Variants in NCALD observed in about 807,000 individuals in gnomAD.
NCALD encodes the protein neurocalcin-delta.
Under a neutral mutation model 18.6 loss-of-function variants are expected in NCALD, and 10 were observed. The ratio of observed to expected loss-of-function variants is 0.54; its 90% CI spans 0.33 to 0.91. The LOEUF is 0.91. NCALD is among the 40% of genes least tolerant of loss of function. The pLI is 0.03. For synonymous variants in NCALD, 88 were observed against 87.4 expected (o/e 1.01, Z -0.04); for missense variants, 184 against 247.6 (o/e 0.74, Z 1.72).
chr8:101,811,397 C>T (rs1211516366), intron 4 of NCALD, among the ~76,000 whole-genome samples: 1 of 152,114 alleles, frequency 6.6e-6, no homozygotes, highest in East Asian at 1.9e-4. Flanking sequence ...GAAGTTGATC[C>T]TCTCCTAGAG....
intron 4 of NCALD, among the ~76,000 whole-genome samples, chr8:101,818,254 A>G (rs988195637): frequency 6.6e-6 from 1 of 152,176 alleles, no homozygotes; most frequent in African/African-American, 2.4e-5. Context: ...AAAAAAATAA[A>G]CACTGTTACA....
At chr8:101,804,744 T>G (rs1813036311) in intron 4 of NCALD, among the ~76,000 whole-genome samples, 1 of 148,794 alleles carries the variant, frequency 6.7e-6, no homozygotes, top group African/African-American at 2.5e-5. Flanking sequence ...AAAAACATAA[T>G]GCCATTTCAC....
intron 2 of NCALD, among the ~76,000 whole-genome samples, chr8:101,705,143 C>T (rs1348065951): frequency 6.6e-6 from 1 of 151,684 alleles, no homozygotes; most frequent in Non-Finnish European, 1.5e-5. Flanking sequence ...AGGAGAATCG[C>T]TGAAACTCAG....
chr8:101,735,381 C>A (rs1422458895), intron 1 of NCALD, among the ~76,000 whole-genome samples: 1 of 152,124 alleles, frequency 6.6e-6, no homozygotes, highest in African/African-American at 2.4e-5. Context: ...CCAACAGCAT[C>A]CTCGGGACAA....
At chr8:101,914,862 T>C (rs1817922795) in intron 3 of NCALD, among the ~76,000 whole-genome samples, 3 of 152,224 alleles carry the variant, frequency 2.0e-5, no homozygotes, top group Admixed American at 2.0e-4. Context: ...CAAGGAACCC[T>C]GGTTCATTTC....
intron 1 of NCALD, among the ~76,000 whole-genome samples, chr8:102,075,621 C>T (rs77489770): frequency 0.061 from 9,237 of 152,166 alleles, 411 homozygotes; most frequent in Non-Finnish European, 0.092. Flanking sequence ...TAATAATAAA[C>T]TTAAGAGACA....
chr8:102,029,392 T>C (rs189871159), intron 1 of NCALD, among the ~76,000 whole-genome samples: 17 of 152,258 alleles, frequency 1.1e-4, no homozygotes, highest in African/African-American at 3.9e-4. Flanking sequence ...AGCCAGAGAA[T>C]CAGATCTTTT....
At chr8:101,926,543 G>A (rs191611028) in intron 2 of NCALD, among the ~76,000 whole-genome samples, 18 of 152,214 alleles carry the variant, frequency 1.2e-4, no homozygotes, top group Admixed American at 2.0e-4. Context: ...GACTATTTCC[G>A]TTTTAAATAA....
At chr8:102,028,221 A>C (rs548298220) in intron 1 of NCALD, among the ~76,000 whole-genome samples, 1 of 152,354 alleles carries the variant, frequency 6.6e-6, no homozygotes, top group South Asian at 2.1e-4. Context: ...ATGAACAGTT[A>C]TGCATACATC....
At chr8:101,975,381 C>T (rs534152293) in intron 2 of NCALD, 1 of 152,306 alleles carries the variant, frequency 6.6e-6, no homozygotes, top group African/African-American at 2.4e-5. Context: ...GCCCCACCCC[C>T]GGAGATGCTG....
chr8:102,069,667 T>C (rs1824118092), intron 1 of NCALD, among the ~76,000 whole-genome samples: 1 of 152,220 alleles, frequency 6.6e-6, no homozygotes, highest in Admixed American at 6.5e-5. Flanking sequence ...TGGGCATGTG[T>C]GTGCACACAC....
chr8:102,024,688 A>G (rs901896955), intron 1 of NCALD, among the ~76,000 whole-genome samples: 3 of 152,060 alleles, frequency 2.0e-5, no homozygotes, highest in African/African-American at 7.2e-5. Flanking sequence ...CCCCATTTCC[A>G]TTGCCTTAAT....
rs551931649 is a variant in NCALD, at chr8:101,755,624, C to T, written c.-20+35238G>A. Among the ~76,000 whole-genome samples the T allele has an allele frequency of 1.5e-4, 23 of 152,300 alleles. 1 individual carries two copies. Among genetic ancestry groups the T allele is most frequent in the Admixed American group, 1.0e-3 (16 of 15,300 alleles). ...GCTTTTCCAGCCCGCATCTCACATCCTAAGGCTTGCAGGCAGAAACCAGGG... is the reference window on the plus strand; with the variant it reads ...GCTTTTCCAGCCCGCATCTCACATCTTAAGGCTTGCAGGCAGAAACCAGGG... On this transcript the variant is annotated intron_variant, in intron 1 of 3. Coordinates refer to ENST00000220931, the MANE Select transcript of NCALD (RefSeq NM_032041.3).
intron 2 of NCALD, among the ~76,000 whole-genome samples, chr8:101,959,609 A>G (rs1819762571): frequency 6.6e-6 from 1 of 152,136 alleles, no homozygotes; most frequent in Non-Finnish European, 1.5e-5. Flanking sequence ...AGATTATTCC[A>G]GATTTAGCCA....
chr8:101,864,963 C>T (rs1461398834), intron 4 of NCALD, among the ~76,000 whole-genome samples: 1 of 152,136 alleles, frequency 6.6e-6, no homozygotes, highest in Non-Finnish European at 1.5e-5. Flanking sequence ...GGACTCAACA[C>T]AGATTTGTTC....
At chr8:101,732,714 G>C (rs1816896253) in intron 1 of NCALD, among the ~76,000 whole-genome samples, 2 of 137,362 alleles carry the variant, frequency 1.5e-5, no homozygotes, top group Non-Finnish European at 3.0e-5. Context: ...AGCAATTCTT[G>C]TGGCTCAGCC....
intron 2 of NCALD, among the ~76,000 whole-genome samples, chr8:101,921,537 T>C (rs1412268228): frequency 3.9e-5 from 6 of 152,158 alleles, no homozygotes; most frequent in Admixed American, 3.9e-4. Flanking sequence ...CATATTCCTC[T>C]AAGCACTTAA....
intron 2 of NCALD, among the ~76,000 whole-genome samples, chr8:101,703,788 G>A (rs1815383377): frequency 6.6e-6 from 1 of 152,142 alleles, no homozygotes; most frequent in South Asian, 2.1e-4. Context: ...AGAAGAGAGA[G>A]TGGCACAGAG....
chr8:101,799,067 T>C (rs1356407322), intron 4 of NCALD, among the ~76,000 whole-genome samples: 1 of 152,136 alleles, frequency 6.6e-6, no homozygotes, highest in Non-Finnish European at 1.5e-5. Flanking sequence ...AAAGGACTCA[T>C]ATCTAGGACA....
Sources: gnomAD v4.1 joint callset for allele counts (sites outside exome capture counted in the v4.1 genomes callset) on GRCh38, gnomAD v4.1.1 for gene constraint, MANE v1.5 for transcripts, NCBI Gene and HGNC (gene_info 2026-07-23, HGNC 2026-07-21) for gene names.